The following RPH3A variants were observed in gnomAD, a reference collection of about 807,000 sequenced individuals.
RPH3A encodes rabphilin 3A.
RPH3A carries 48 observed loss-of-function variants against 102.2 expected under a neutral mutation model. The ratio of observed to expected loss-of-function variants is 0.47; its 90% CI spans 0.37 to 0.60. RPH3A has a LOEUF of 0.60. Among genes scored for constraint, RPH3A ranks in the 20% least tolerant of loss-of-function variants. The pLI is 0.00. For missense variants in RPH3A, 781 were observed against 910.1 expected, an observed-to-expected ratio of 0.86 and a Z score of 1.83; for synonymous variants, 310 against 324.3, an observed-to-expected ratio of 0.96 and a Z score of 0.47.
chr12:112,828,454 C>G, intron 3 of RPH3A, 65 bp downstream of exon 3: 2 of 1,227,436 alleles, frequency 1.6e-6, no homozygotes, highest in South Asian at 1.4e-5. Flanking sequence ...CAATTCTACA[C>G]TTGAAAAAAA....
intron 4 of RPH3A, among the ~76,000 whole-genome samples, chr12:112,836,758 G>A (rs1288322159): frequency 1.3e-5 from 2 of 152,108 alleles, no homozygotes; most frequent in Non-Finnish European, 1.5e-5. Context: ...ATTCTTGTTA[G>A]TGATTTGTAG....
intron 10 of RPH3A, among the ~76,000 whole-genome samples, chr12:112,871,240 A>G (rs1336861874): frequency 2.0e-5 from 3 of 152,192 alleles, no homozygotes; most frequent in African/African-American, 4.8e-5. Context: ...CATGTGTACA[A>G]TTCAGTGGTG....
chr12:112,852,517 A>G (rs1208292699), intron 5 of RPH3A, among the ~76,000 whole-genome samples: 1 of 152,192 alleles, frequency 6.6e-6, no homozygotes, highest in African/African-American at 2.4e-5. Flanking sequence ...CATCCCATAT[A>G]TTAGAAAATA....
intron 1 of RPH3A, among the ~76,000 whole-genome samples, chr12:112,759,975 GGACCAGCCGGCCC>G (rs1364716263): frequency 2.6e-5 from 4 of 152,170 alleles, no homozygotes; most frequent in East Asian, 1.9e-4. Context: ...CACGTCGGCT[GGACCAGCCGGCCC>G]GACCAGCCGG....
In RPH3A at chr12:112,890,853, T is replaced by G; in HGVS notation, c.1625T>G (p.Val542Gly). The change falls in exon 19 of 22, where the codon GTG (valine) becomes GGG (glycine). Residue 542 changes from valine (V) to glycine (G), a missense_variant. By Grantham distance (109) the Val-to-Gly change is moderately radical. Transcript: ENST00000389385. Reference sequence around the variant, plus strand: ...CTGCCTTTTCCCCCAATGCAGCAGGTGGAGCGTGTTGGTGACATCGAGGAG... The same window carrying G: ...CTGCCTTTTCCCCCAATGCAGCAGGGGGAGCGTGTTGGTGACATCGAGGAG... Reference protein sequence around the residue: ...RGMALYEEEQVERVGDIEERG... With the variant: ...RGMALYEEEQGERVGDIEERG... 1 of 1,613,380 alleles carries G rather than the reference T, an allele frequency of 6.2e-7. No individual in the cohort carries two copies. The highest frequency in any genetic ancestry group is 8.5e-7 in the Non-Finnish European group (1 of 1,179,692).
At chr12:112,813,319 C>A (rs2041613049) in intron 2 of RPH3A, 1 of 152,190 alleles carries the variant, frequency 6.6e-6, no homozygotes, top group Non-Finnish European at 1.5e-5. Context: ...GTTGTGTTCA[C>A]AGGGGCAAGA....
upstream of RPH3A, chr12:112,791,346 A>T (rs1013915037): frequency 1.3e-5 from 2 of 152,422 alleles, no homozygotes; most frequent in South Asian, 2.1e-4. Flanking sequence ...CTGTGAAGTT[A>T]TAGTTCCTTT....
At position 112,583,080 on chromosome 12, in the gene RPH3A, C is replaced by G. The variant is rs530217432; in HGVS notation, c.-140+7761C>G. ...AATTGACTGTATGTCAGAGGGAGGA[C>G]AGTGGCTGGGAGGTAACTCTGACTT... On this transcript the variant is annotated intron_variant, in intron 1 of 21. Transcript: ENST00000543106. Among the ~76,000 whole-genome samples, 14 of 152,308 alleles carry G rather than the reference C, an allele frequency of 9.2e-5. 1 individual carries two copies. In the South Asian group the frequency reaches 2.1e-3, roughly 23 times the overall value.
chr12:112,747,655 A>T (rs1468107176), intron 1 of RPH3A, among the ~76,000 whole-genome samples: 1 of 152,086 alleles, frequency 6.6e-6, no homozygotes, highest in Non-Finnish European at 1.5e-5. Flanking sequence ...ATCTCCCTCG[A>T]TCTGGGTCTG....
intron 4 of RPH3A, 108 bp downstream of exon 4, chr12:112,836,610 A>G (rs2136169450): frequency 4.8e-6 from 2 of 416,140 alleles, no homozygotes; most frequent in Non-Finnish European, 8.1e-6. Context: ...AAAAGGAACT[A>G]GCAAATTTTA....
At chr12:112,665,177 T>C (rs1029369869) in intron 1 of RPH3A, among the ~76,000 whole-genome samples, 1 of 152,182 alleles carries the variant, frequency 6.6e-6, no homozygotes, top group South Asian at 2.1e-4. Flanking sequence ...ATAAACGATC[T>C]GTACCCCAGT....
chr12:112,607,040 T>A (rs1201106785), intron 1 of RPH3A, among the ~76,000 whole-genome samples: 1 of 152,136 alleles, frequency 6.6e-6, no homozygotes, highest in African/African-American at 2.4e-5. Context: ...GGGGATCAGA[T>A]AATACATAAA....
chr12:112,656,494 T>C (rs1316535231), intron 1 of RPH3A, among the ~76,000 whole-genome samples: 1 of 152,168 alleles, frequency 6.6e-6, no homozygotes, highest in Non-Finnish European at 1.5e-5. Flanking sequence ...ATGGTGAGGT[T>C]TGGGCCTCCA....
chr12:112,679,566 C>T (rs1007932809), intron 1 of RPH3A, among the ~76,000 whole-genome samples: 6 of 152,182 alleles, frequency 3.9e-5, no homozygotes, highest in African/African-American at 1.4e-4. Flanking sequence ...GTTGGGATTA[C>T]AGGCGTGCAC....
chr12:112,829,995 T>G (rs932940978), intron 3 of RPH3A, among the ~76,000 whole-genome samples: 6 of 152,210 alleles, frequency 3.9e-5, no homozygotes, highest in Non-Finnish European at 7.3e-5. Context: ...GGGAATGCCT[T>G]TCTTATTATT....
intron 1 of RPH3A, among the ~76,000 whole-genome samples, chr12:112,635,443 CT>C (rs1470504414): frequency 6.6e-6 from 1 of 152,154 alleles, no homozygotes; most frequent in Non-Finnish European, 1.5e-5. Flanking sequence ...ATAATTCTAA[CT>C]CATAGGATCT....
chr12:112,739,131 G>A (rs2040689990), intron 1 of RPH3A, among the ~76,000 whole-genome samples: 2 of 152,142 alleles, frequency 1.3e-5, no homozygotes, highest in African/African-American at 2.4e-5. Flanking sequence ...ATGTGATTGA[G>A]GAATTCACAT....
At chr12:112,840,482 C>G (rs2042123626) in intron 4 of RPH3A, among the ~76,000 whole-genome samples, 1 of 152,070 alleles carries the variant, frequency 6.6e-6, no homozygotes, top group Non-Finnish European at 1.5e-5. Context: ...TTATTCCTTC[C>G]TTCCCTGGAA....
chr12:112,689,767 G>C (rs561262769), intron 1 of RPH3A, among the ~76,000 whole-genome samples: 1 of 152,342 alleles, frequency 6.6e-6, no homozygotes, highest in East Asian at 1.9e-4. Context: ...GCAGGACAGG[G>C]AGAGGACAGG....
Sources: gnomAD v4.1 joint callset for allele counts (sites outside exome capture counted in the v4.1 genomes callset) on GRCh38, gnomAD v4.1.1 for gene constraint, MANE v1.5 for transcripts, NCBI Gene and HGNC (gene_info 2026-07-23, HGNC 2026-07-21) for gene names.